Variants in LPCAT1 observed in about 807,000 individuals in gnomAD.
LPCAT1 encodes the protein lysophosphatidylcholine acyltransferase 1.
Under a neutral mutation model 60.9 loss-of-function variants are expected in LPCAT1, and 23 were observed. That is an observed-to-expected ratio of 0.38 (90% confidence interval 0.27 to 0.53). The LOEUF (loss-of-function observed/expected upper bound fraction) is 0.53, where lower values mean the gene tolerates loss of function less well. Ranked by LOEUF, LPCAT1 falls within the 20% of genes least tolerant of loss-of-function variation. LPCAT1 has a pLI of 0.82. For synonymous variants in LPCAT1, 340 were observed against 301.1 expected, an observed-to-expected ratio of 1.13 and a Z score of -1.34; for missense variants, 622 against 723.6, an observed-to-expected ratio of 0.86 and a Z score of 1.61.
rs763177383 is a variant in LPCAT1 at position 1,495,378 on chromosome 5, C to T, written c.279-464G>A. Among the ~76,000 whole-genome samples the T allele has an allele frequency of 1.8e-4, 27 of 151,426 alleles. No individual in the cohort carries two copies. Among genetic ancestry groups the T allele is most frequent in the African/African-American group, 3.7e-4 (15 of 41,050 alleles). ...GAGGGCGGAAGCTGAGACCTGCGTG[C>T]GAACTTCCCCATCTCATCTCCACAG... is the stretch of plus-strand genomic sequence containing the variant. On this transcript the variant is annotated intron_variant, in intron 2 of 13. Coordinates refer to ENST00000283415, the MANE Select transcript of LPCAT1 (RefSeq NM_024830.5). This position sits in a 1 kb window ranked among gnomAD's most constrained non-coding sequence, Gnocchi z 4.7.
At chr5:1,465,620 CACAAA>C (rs1734354230) in intron 13 of LPCAT1, among the ~76,000 whole-genome samples, 1 of 151,180 alleles carries the variant, frequency 6.6e-6, no homozygotes, top group African/African-American at 2.4e-5. Context: ...TGCGCACACA[CACAAA>C]ACAAGCACAA....
intron 1 of LPCAT1, among the ~76,000 whole-genome samples, chr5:1,505,374 C>T (rs946642193): frequency 4.6e-5 from 7 of 152,088 alleles, no homozygotes; most frequent in Non-Finnish European, 7.4e-5. Context: ...TGCAACACTG[C>T]TTCCACCACA....
At chr5:1,494,410 G>A (rs982507099) in intron 3 of LPCAT1, among the ~76,000 whole-genome samples, 5 of 150,622 alleles carry the variant, frequency 3.3e-5, no homozygotes, top group Non-Finnish European at 4.4e-5. Flanking sequence ...TCCCAGCAGC[G>A]TGGTGGGGGG....
chr5:1,507,575 G>A (rs1370330743), intron 1 of LPCAT1, among the ~76,000 whole-genome samples: 1 of 152,232 alleles, frequency 6.6e-6, no homozygotes, highest in African/African-American at 2.4e-5. Flanking sequence ...ATGCAGAGAT[G>A]AAGATGGGAC....
intron 1 of LPCAT1, among the ~76,000 whole-genome samples, chr5:1,515,622 C>G (rs988039215): frequency 1.3e-5 from 2 of 151,628 alleles, no homozygotes; most frequent in Non-Finnish European, 2.9e-5. Context: ...GGGACCCTCC[C>G]CCACCTCCCA....
chr5:1,474,160 G>A (rs1734804349), intron 10 of LPCAT1, 50 bp from the exon 11 acceptor site: 2 of 1,561,556 alleles, frequency 1.3e-6, no homozygotes, highest in Admixed American at 1.7e-5. Flanking sequence ...ATGGTGGCAT[G>A]CTAACACCAG....
At chr5:1,470,993 A>G in intron 11 of LPCAT1, 69 bp from the exon 12 acceptor site, 1 of 1,328,254 alleles carries the variant, frequency 7.5e-7, no homozygotes, top group East Asian at 2.3e-5. Context: ...AGGGTTTCCC[A>G]TGGGTGCTGG....
Position 1,522,809 on chromosome 5 carries a change from T to G in LPCAT1, c.135+901A>C, listed in dbSNP as rs1005632145. On this transcript the variant is annotated intron_variant, in intron 1 of 13. Transcript: ENST00000283415. The surrounding 1 kb of genome is among the most constrained non-coding windows in gnomAD (Gnocchi z 6.8). ...AATTATTCTAGAGTCAAAAGTAAGGTCCTCTTGAGAGTGGATCTCAGGTAA... is the reference window on the plus strand; with the variant it reads ...AATTATTCTAGAGTCAAAAGTAAGGGCCTCTTGAGAGTGGATCTCAGGTAA... Among the ~76,000 whole-genome samples the G allele has an allele frequency of 1.7e-4, 26 of 152,030 alleles. No individual in the cohort carries two copies. The highest frequency in any genetic ancestry group is 6.0e-4 in the African/African-American group (25 of 41,398).
rs1277592289 is a variant in LPCAT1 at position 1,494,684 on chromosome 5, G to A, written c.493+16C>T. On this transcript the variant is annotated intron_variant, in intron 3 of 13. Transcript: ENST00000283415. ...AGGGCAGGGTCCCTCACTCCCAGCAGGGGTGTCTCACTCACTTCCCCAGAT... is the reference window on the plus strand; with the variant it reads ...AGGGCAGGGTCCCTCACTCCCAGCAAGGGTGTCTCACTCACTTCCCCAGAT... 6.2e-7 allele frequency: 1 copy of A among 1,611,274 alleles called. No homozygotes were observed. Among genetic ancestry groups the A allele is most frequent in the East Asian group, 2.2e-5 (1 of 44,848 alleles).
intron 3 of LPCAT1, among the ~76,000 whole-genome samples, chr5:1,493,073 C>T (rs1055526690): frequency 2.0e-5 from 3 of 152,234 alleles, no homozygotes; most frequent in African/African-American, 4.8e-5. Context: ...GGGAAACCTG[C>T]GTGTGAGAGC....
chr5:1,495,254 T>C lies in LPCAT1; in HGVS notation c.279-340A>G, dbSNP rs183484303. ...CCAGAAGACCTCCGGACCTTCATGT[T>C]AGCAACTTATTTATCAGCATCCTAT... On this transcript the variant is annotated intron_variant, in intron 2 of 13. Coordinates refer to ENST00000283415, the MANE Select transcript of LPCAT1 (RefSeq NM_024830.5). The surrounding 1 kb of genome is among the most constrained non-coding windows in gnomAD (Gnocchi z 4.7). Among the ~76,000 whole-genome samples the C allele has an allele frequency of 3.3e-5, 5 of 151,880 alleles. No individual in the cohort carries two copies. The highest frequency in any genetic ancestry group is 1.2e-4 in the African/African-American group (5 of 41,414).
chr5:1,507,556 A>G (rs533321433), intron 1 of LPCAT1, among the ~76,000 whole-genome samples: 73 of 152,350 alleles, frequency 4.8e-4, no homozygotes, highest in African/African-American at 1.6e-3. Context: ...TCCAGGTCAC[A>G]GGTGGGAAAT....
At chr5:1,493,623 C>T (rs555484768) in intron 3 of LPCAT1, among the ~76,000 whole-genome samples, 1 of 152,328 alleles carries the variant, frequency 6.6e-6, no homozygotes, top group East Asian at 1.9e-4. Flanking sequence ...GTGCTGATGG[C>T]GGCTGTGAAG....
At position 1,501,607 on chromosome 5, in the gene LPCAT1, C is replaced by T. The variant is rs1212207952; in HGVS notation, c.136-4G>A. ...GCGTCAGTGTCATGAGGGCCACCTGCAGACAGAGGGGGGCATTATCCAGAG... is the reference window on the plus strand; with the variant it reads ...GCGTCAGTGTCATGAGGGCCACCTGTAGACAGAGGGGGGCATTATCCAGAG... On this transcript the variant is annotated splice_polypyrimidine_tract_variant and splice_region_variant and intron_variant, in intron 1 of 13. Transcript: ENST00000283415. 1 of 1,613,514 alleles carries T rather than the reference C, an allele frequency of 6.2e-7. No individual in the cohort carries two copies. Among genetic ancestry groups the T allele is most frequent in the Admixed American group, 1.7e-5 (1 of 59,990 alleles).
Position 1,502,236 on chromosome 5 carries a change from G to A in LPCAT1, c.136-633C>T, listed in dbSNP as rs534465301. Among the ~76,000 whole-genome samples, 6 of 151,976 alleles carry A rather than the reference G, an allele frequency of 3.9e-5. No homozygotes were observed. The highest frequency in any genetic ancestry group is 1.3e-4 in the Admixed American group (2 of 15,286). ...ACACAACCCCAGGCAGCTCCACCCC[G>A]CAGGACGCACCCCCAGGCAGCTCCG... is the stretch of plus-strand genomic sequence containing the variant. On this transcript the variant is annotated intron_variant, in intron 1 of 13. Transcript: ENST00000283415. This position sits in a 1 kb window ranked among gnomAD's most constrained non-coding sequence, Gnocchi z 5.5.
At chr5:1,490,876 G>A (rs1453744915) in intron 3 of LPCAT1, among the ~76,000 whole-genome samples, 2 of 152,040 alleles carry the variant, frequency 1.3e-5, no homozygotes, top group Non-Finnish European at 2.9e-5. Flanking sequence ...CACACTCGGC[G>A]CCCCCCAGGC....
At chr5:1,514,289 C>A (rs1308401195) in intron 1 of LPCAT1, among the ~76,000 whole-genome samples, 2 of 152,238 alleles carry the variant, frequency 1.3e-5, no homozygotes, top group Non-Finnish European at 2.9e-5. Flanking sequence ...GAGCGATATC[C>A]AAAAACAACA....
chr5:1,488,460 G>T lies in LPCAT1; in HGVS notation c.607-9C>A. ...TCTGGAAAAATCATTATCTGGAAGT[G>T]GGAGAAAGAAAAGGATCAGCATTAA... On this transcript the variant is annotated splice_polypyrimidine_tract_variant and intron_variant, in intron 4 of 13. Coordinates refer to ENST00000283415, the MANE Select transcript of LPCAT1 (RefSeq NM_024830.5). 1.9e-6 allele frequency: 3 copies of T among 1,580,682 alleles called. No homozygotes were observed. Among genetic ancestry groups the T allele is most frequent in the Admixed American group, 1.8e-5 (1 of 55,584 alleles).
chr5:1,517,688 C>T (rs1183493579), intron 1 of LPCAT1, among the ~76,000 whole-genome samples: 1 of 148,692 alleles, frequency 6.7e-6, no homozygotes, highest in Non-Finnish European at 1.5e-5. Flanking sequence ...AAAAAAAAAG[C>T]CAATGTTAGG....
Sources: gnomAD v4.1 joint callset for allele counts (sites outside exome capture counted in the v4.1 genomes callset) on GRCh38, gnomAD v4.1.1 for gene constraint, Gnocchi (gnomAD v3.1) non-coding constraint, MANE v1.5 for transcripts, NCBI Gene and HGNC (gene_info 2026-07-23, HGNC 2026-07-21) for gene names.